ZNF7: variants seen among roughly 807,000 people sequenced by gnomAD.
ZNF7 encodes the protein zinc finger protein 7.
A neutral mutation model predicts 12.0 loss-of-function variants in ZNF7; 10 were observed. The ratio of observed to expected loss-of-function variants is 0.83; its 90% CI spans 0.51 to 1.42. ZNF7 has a LOEUF of 1.42. ZNF7 is among the 40% of genes most tolerant of loss of function. The probability of loss-of-function intolerance (pLI) is 0.00; values close to 1 mark genes in which losing one functional copy is unlikely to be tolerated. For missense variants in ZNF7, 854 were observed against 837.2 expected (o/e 1.02, Z -0.25); for synonymous variants, 334 against 295.0 (o/e 1.13, Z -1.35).
intron 2 of ZNF7, 50 bp downstream of exon 2, chr8:144,829,140 C>T: frequency 6.2e-7 from 1 of 1,612,252 alleles, no homozygotes; most frequent in East Asian, 2.2e-5. Flanking sequence ...TGAAGGCCCA[C>T]CTCCTGCTCT....
Position 144,842,621 on chromosome 8 carries a change from C to A in ZNF7, c.1514C>A (p.Ala505Asp). The A allele has an allele frequency of 6.2e-7, 1 of 1,614,186 alleles. No individual in the cohort carries two copies. The highest frequency in any genetic ancestry group is 8.5e-7 in the Non-Finnish European group (1 of 1,180,040). The change falls in exon 5 of 5, where the codon GCC becomes GAC. Residue 505 changes from alanine to aspartate, a missense_variant. Transcript: ENST00000532777. ...KPYVCNDCGK[A>D]FSQSSSLIYH... ...TATGTGTGTAATGACTGTGGAAAAG[C>A]CTTCAGTCAGAGTTCCAGCCTTATT...
downstream of ZNF7, among the ~76,000 whole-genome samples, chr8:144,844,339 T>C (rs1259959105): frequency 6.6e-6 from 1 of 152,080 alleles, no homozygotes; most frequent in Non-Finnish European, 1.5e-5. Context: ...CTGATGACTG[T>C]CTTGTACTGG....
rs780810081 is a variant in ZNF7 at position 144,843,240 on chromosome 8, G to A, written c.*72G>A. On this transcript the variant is annotated 3_prime_UTR_variant, in exon 5 of 5. Coordinates refer to ENST00000532777, the MANE Select transcript of ZNF7 (RefSeq NM_003416.4). ...TAACTTACTTATTTTATATGGAATC[G>A]TTTATACTGACAAACATGTAGAATG... 37 of 1,456,172 alleles carry A rather than the reference G, an allele frequency of 2.5e-5. No homozygotes were observed. Among genetic ancestry groups the A allele is most frequent in the East Asian group, 4.6e-5 (2 of 43,528 alleles). 90.2% of individuals were successfully genotyped at this position (1,456,172 alleles called of 1,614,324 possible). A position where few individuals can be genotyped will look rare whatever the true frequency, so the allele number is the denominator to read the frequency against.
At chr8:144,827,725 G>T (rs1335412097) in intron 1 of ZNF7, 116 bp downstream of exon 1, 32 of 967,942 alleles carry the variant, frequency 3.3e-5, no homozygotes, top group Non-Finnish European at 3.9e-5. Flanking sequence ...GGGCCTCCAG[G>T]CGGGAAAGCG....
At chr8:144,829,432 G>A in intron 2 of ZNF7, 46 bp from the exon 3 acceptor site, 2 of 1,611,938 alleles carry the variant, frequency 1.2e-6, no homozygotes, top group Non-Finnish European at 1.7e-6. Context: ...GCCAGAAGGG[G>A]GCTGGCACCC....
chr8:144,843,249 G>C lies in ZNF7; in HGVS notation c.*81G>C, dbSNP rs533559175. 6.2e-5 allele frequency: 89 copies of C among 1,426,616 alleles called. No individual in the cohort carries two copies. In the African/African-American group the frequency reaches 1.3e-3, roughly 20 times the overall value. The allele number at this position is 1,426,616 out of a possible 1,614,324, so 88.4% of individuals were successfully genotyped here. A position where few individuals can be genotyped will look rare whatever the true frequency, so the allele number is the denominator to read the frequency against. The stretch of plus-strand genomic sequence containing the variant: ...TATTTTATATGGAATCGTTTATACT[G>C]ACAAACATGTAGAATGTTGGTAAAG... On this transcript the variant is annotated 3_prime_UTR_variant, in exon 5 of 5. Transcript: ENST00000532777.
chr8:144,846,513 T>C, downstream of ZNF7: 2 of 227,424 alleles, frequency 8.8e-6, no homozygotes, highest in Non-Finnish European at 1.7e-5. Flanking sequence ...CCAAGTCACC[T>C]TGAACTTGGA....
At chr8:144,846,298 C>A, downstream of ZNF7, 1 of 1,043,500 alleles carries the variant, frequency 9.6e-7, no homozygotes, top group Non-Finnish European at 1.4e-6. Context: ...TCTGGATTGA[C>A]ATGGTCCTAA....
At position 144,842,155 on chromosome 8, in the gene ZNF7, G is replaced by A. The variant is rs1563843065; in HGVS notation, c.1048G>A (p.Val350Ile). 2 of 1,613,752 alleles carry A rather than the reference G, an allele frequency of 1.2e-6. No individual in the cohort carries two copies. Among genetic ancestry groups the A allele is most frequent in the Non-Finnish European group, 1.7e-6 (2 of 1,179,896 alleles). Residue 350 changes from valine (V) to isoleucine (I), a missense_variant, in exon 5 of 5, where the codon GTT becomes ATT. Transcript: ENST00000532777. ...AGCCTTCAGCCAGCAGTCGCAGCTGGTTAGACACCAGAGAACTCACACTGG... is the reference window on the plus strand; with the variant it reads ...AGCCTTCAGCCAGCAGTCGCAGCTGATTAGACACCAGAGAACTCACACTGG... ...GKAFSQQSQL[V>I]RHQRTHTGER...
Position 144,829,488 on chromosome 8 carries a change from C to T in ZNF7, c.14C>T (p.Thr5Ile). The change falls in exon 3 of 5, where the codon ACA (threonine) becomes ATA (isoleucine). Residue 5 changes from threonine (T) to isoleucine (I), a missense_variant. Thr to Ile is a moderately conservative substitution (Grantham distance 89). Transcript: ENST00000532777. MEVV[T>I]FGDVAVHFSR... ...TGTGTGTCCTTTCAGGAGGTGGTAA[C>T]ATTTGGCGATGTGGCTGTGCACTTC... The T allele has an allele frequency of 6.2e-7, 1 of 1,614,098 alleles. No individual in the cohort carries two copies.
chr8:144,844,396 G>C (rs186825813), downstream of ZNF7, among the ~76,000 whole-genome samples: 1 of 152,200 alleles, frequency 6.6e-6, no homozygotes, highest in East Asian at 1.9e-4. Flanking sequence ...CGGTGAGGAG[G>C]AAATAAAGAC....
At chr8:144,838,004 A>G (rs745523915) in intron 4 of ZNF7, 1 of 693,144 alleles carries the variant, frequency 1.4e-6, no homozygotes, top group South Asian at 1.5e-5. Context: ...TTATTGTCTC[A>G]CAGCTGTGGA....
intron 4 of ZNF7, chr8:144,841,116 C>T: frequency 9.9e-6 from 5 of 505,258 alleles, no homozygotes; most frequent in Non-Finnish European, 1.8e-5. Flanking sequence ...CTCACAGAAC[C>T]CAGCCCTGCC....
At chr8:144,838,015 G>A (rs1453486236) in intron 4 of ZNF7, 6 of 698,798 alleles carry the variant, frequency 8.6e-6, no homozygotes, top group East Asian at 2.7e-5. Context: ...CAGCTGTGGA[G>A]GCCGGAAATC....
At chr8:144,839,767 C>A (rs974442603) in intron 4 of ZNF7, among the ~76,000 whole-genome samples, 1 of 152,304 alleles carries the variant, frequency 6.6e-6, no homozygotes, top group South Asian at 2.1e-4. Context: ...CCAGCTGGTA[C>A]AGTCAGCATC....
rs760284010 is a variant in ZNF7, at chr8:144,842,528, G to A, written c.1421G>A (p.Cys474Tyr). 6.2e-7 allele frequency: 1 copy of A among 1,614,188 alleles called. No homozygotes were observed. The highest frequency in any genetic ancestry group is 8.5e-7 in the Non-Finnish European group (1 of 1,180,028). Residue 474 changes from cysteine (C) to tyrosine (Y), a missense_variant, in exon 5 of 5, where the codon TGT becomes TAT. By Grantham distance (194) the Cys-to-Tyr change is radical. Transcript: ENST00000532777. ...TGEKPFKCDE[C>Y]GKGFVQGSHL... is the part of the protein sequence containing the mutation. Reference sequence around the variant, plus strand: ...GAAAAACCATTTAAATGTGATGAGTGTGGCAAAGGCTTTGTTCAGGGCTCA... The same window carrying A: ...GAAAAACCATTTAAATGTGATGAGTATGGCAAAGGCTTTGTTCAGGGCTCA...
At chr8:144,841,285 C>T in intron 4 of ZNF7, 70 bp from the exon 5 acceptor site, 1 of 1,483,600 alleles carries the variant, frequency 6.7e-7, no homozygotes, top group South Asian at 1.3e-5. Context: ...GCCCTGGCCC[C>T]CGCATTTGTA....
chr8:144,829,245 C>G (rs769267527), intron 2 of ZNF7, 155 bp downstream of exon 2: 244 of 1,542,648 alleles, frequency 1.6e-4, no homozygotes, highest in Non-Finnish European at 2.0e-4. Context: ...CAAACCCCTG[C>G]CCAAACCAGG....
In ZNF7 at chr8:144,842,895, TATTG is replaced by T; in HGVS notation, c.1790_1793del (p.Ile597AsnfsTer25). ...AAGCCTTCAGCCGGAGCTCATATCT[TATTG>T]AACACCAGAGAATACACACTAGGGC... On this transcript the variant is annotated frameshift_variant, in exon 5 of 5. Coordinates refer to ENST00000532777, the MANE Select transcript of ZNF7 (RefSeq NM_003416.4). LOFTEE classifies it low-confidence loss of function (END_TRUNC). The T allele has an allele frequency of 6.2e-7, 1 of 1,614,182 alleles. No homozygotes were observed. The highest frequency in any genetic ancestry group is 8.5e-7 in the Non-Finnish European group (1 of 1,180,036).
Sources: allele counts gnomAD v4.1 joint callset (sites outside exome capture counted in the v4.1 genomes callset), GRCh38; gene constraint gnomAD v4.1.1; transcripts MANE v1.5; gene names NCBI Gene and HGNC (gene_info 2026-07-23, HGNC 2026-07-21).